PSD3: variants seen among roughly 807,000 people sequenced by gnomAD.
PSD3 encodes the protein pleckstrin and Sec7 domain containing 3, also known as PH and SEC7 domain-containing protein 3.
A neutral mutation model predicts 105.5 loss-of-function variants in PSD3; 49 were observed. That is an observed-to-expected ratio of 0.46 (90% CI 0.37 to 0.59). The LOEUF (loss-of-function observed/expected upper bound fraction) is 0.59, where lower values mean the gene tolerates loss of function less well. PSD3 is among the 20% of genes least tolerant of loss of function. PSD3 has a pLI of 0.00. For missense variants in PSD3, 1,561 were observed against 1,263.8 expected, an observed-to-expected ratio of 1.24 and a Z score of -3.57; for synonymous variants, 557 against 457.8, an observed-to-expected ratio of 1.22 and a Z score of -2.77.
chr8:19,035,673 C>G (rs1827917455), intron 1 of PSD3, among the ~76,000 whole-genome samples: 1 of 150,640 alleles, frequency 6.6e-6, no homozygotes, highest in East Asian at 2.0e-4. Context: ...AAATTTTAAC[C>G]AACATTATAC....
At chr8:18,910,084 A>C (rs1820105747) in intron 2 of PSD3, among the ~76,000 whole-genome samples, 1 of 152,148 alleles carries the variant, frequency 6.6e-6, no homozygotes. Context: ...TTGGCACCCA[A>C]ATGCTCCCAA....
intron 11 of PSD3, among the ~76,000 whole-genome samples, chr8:18,621,815 G>A (rs764941074): frequency 6.6e-6 from 1 of 152,166 alleles, no homozygotes; most frequent in African/African-American, 2.4e-5. Context: ...CTAACAGGAG[G>A]ACACAACTGT....
Position 18,916,608 on chromosome 8 carries a change from C to T in PSD3, c.130+19426G>A, listed in dbSNP as rs549556015. Among the ~76,000 whole-genome samples, 9 of 150,930 alleles carry T rather than the reference C, an allele frequency of 6.0e-5. No individual in the cohort carries two copies. In the South Asian group the frequency reaches 1.7e-3, roughly 29 times the overall value. On this transcript the variant is annotated intron_variant, in intron 2 of 15. Transcript: ENST00000327040. ...GGGAGGAGGATGAGGAGGTGTTGGTCAAATGGAACAAAATTTCAGTTAGAT... is the reference window on the plus strand; with the variant it reads ...GGGAGGAGGATGAGGAGGTGTTGGTTAAATGGAACAAAATTTCAGTTAGAT...
intron 1 of PSD3, among the ~76,000 whole-genome samples, chr8:18,945,427 G>C (rs1822799794): frequency 6.6e-6 from 1 of 152,208 alleles, no homozygotes; most frequent in African/African-American, 2.4e-5. Flanking sequence ...GCCAAGGAAT[G>C]CAAGAAATGT....
rs528414546 is a variant in PSD3, at chr8:19,042,354, A to C, written c.324+41852T>G. 2.0e-5 allele frequency among the ~76,000 whole-genome samples: 3 copies of C among 152,292 alleles called. No homozygotes were observed. In the South Asian group the frequency reaches 6.2e-4, roughly 32 times the overall value. On this transcript the variant is annotated intron_variant, in intron 1 of 1. Transcript: ENST00000521475. ...GGGGTGATGGCTTCCACATGAGGATAAGTCCCCAACATGTTCTCCAAGCAA... is the reference window on the plus strand; with the variant it reads ...GGGGTGATGGCTTCCACATGAGGATCAGTCCCCAACATGTTCTCCAAGCAA...
chr8:19,030,777 C>G (rs540280521), intron 1 of PSD3, among the ~76,000 whole-genome samples: 12 of 152,086 alleles, frequency 7.9e-5, no homozygotes, highest in Admixed American at 7.9e-4. Flanking sequence ...AACCTTCTAC[C>G]ACTCCATTTC....
In PSD3 at chr8:18,679,760, T is replaced by G. The variant is rs79251759; in HGVS notation, c.2173-24075A>C. Among the ~76,000 whole-genome samples the G allele has an allele frequency of 3.2e-4, 48 of 152,316 alleles. No individual in the cohort carries two copies. In the East Asian group the frequency reaches 8.7e-3, roughly 28 times the overall value. The stretch of plus-strand genomic sequence containing the variant: ...ACTGAGAAACCAACAGGCCAATGTT[T>G]CACTATGCACCAACCAAAGTACCAG... On this transcript the variant is annotated intron_variant, in intron 9 of 15. Coordinates refer to ENST00000327040, the MANE Select transcript of PSD3 (RefSeq NM_015310.4).
intron 14 of PSD3, among the ~76,000 whole-genome samples, chr8:18,572,177 A>C (rs1048279714): frequency 6.6e-6 from 1 of 152,240 alleles, no homozygotes; most frequent in African/African-American, 2.4e-5. Context: ...GTAAATGCTC[A>C]ATAAAAATGA....
chr8:18,758,169 G>C (rs1435875679), intron 9 of PSD3, among the ~76,000 whole-genome samples: 2 of 152,112 alleles, frequency 1.3e-5, no homozygotes. Context: ...ATAAAACCTA[G>C]TCTTATTCTG....
At chr8:18,992,705 A>G (rs931021475) in intron 1 of PSD3, among the ~76,000 whole-genome samples, 2 of 152,200 alleles carry the variant, frequency 1.3e-5, no homozygotes, top group East Asian at 3.9e-4. Context: ...TGTACTAGAA[A>G]TGATTCAGTC....
intron 15 of PSD3, among the ~76,000 whole-genome samples, chr8:18,546,653 T>G (rs1460951940): frequency 6.6e-6 from 1 of 152,264 alleles, no homozygotes; most frequent in Non-Finnish European, 1.5e-5. Flanking sequence ...ATTTAAGATC[T>G]ATTATCCTCA....
At chr8:18,573,756 G>A (rs1335782999) in intron 13 of PSD3, among the ~76,000 whole-genome samples, 2 of 152,166 alleles carry the variant, frequency 1.3e-5, no homozygotes, top group African/African-American at 4.8e-5. Context: ...TGCAGAGGCA[G>A]AAAGTAGATC....
At chr8:18,564,734 A>G (rs1230318334) in intron 14 of PSD3, among the ~76,000 whole-genome samples, 1 of 152,042 alleles carries the variant, frequency 6.6e-6, no homozygotes, top group Non-Finnish European at 1.5e-5. Context: ...AACTACAAGA[A>G]TGACCTCCTC....
rs1585873690 is a variant in PSD3 at position 18,761,309 on chromosome 8, A to T, written c.2172+4140T>A. On this transcript the variant is annotated intron_variant, in intron 9 of 15. Coordinates refer to ENST00000327040, the MANE Select transcript of PSD3 (RefSeq NM_015310.4). ...GGGATGGTGGGTAGAGGTTTTGACT[A>T]CTGCCGCTAATCTCACTCGCCTCTA... Among the ~76,000 whole-genome samples the T allele has an allele frequency of 3.9e-5, 6 of 152,222 alleles. No individual in the cohort carries two copies. In the South Asian group the frequency reaches 1.2e-3, roughly 31 times the overall value.
At chr8:18,922,929 C>T (rs911420218) in intron 2 of PSD3, among the ~76,000 whole-genome samples, 4 of 152,144 alleles carry the variant, frequency 2.6e-5, no homozygotes, top group Non-Finnish European at 5.9e-5. Flanking sequence ...TCCATGTGTT[C>T]GTCTTTCAGG....
chr8:18,974,474 A>G (rs924072073), intron 1 of PSD3, among the ~76,000 whole-genome samples: 55 of 152,202 alleles, frequency 3.6e-4, no homozygotes, highest in African/African-American at 1.3e-3. Context: ...AGACGCAAGG[A>G]GAGCAAATTC....
At chr8:19,073,442 T>C (rs563825612) in intron 1 of PSD3, among the ~76,000 whole-genome samples, 8 of 150,400 alleles carry the variant, frequency 5.3e-5, no homozygotes, top group Admixed American at 4.7e-4. Context: ...TCCCAGCTAC[T>C]TGGGAGGCTG....
chr8:18,704,870 T>A (rs200848539), intron 9 of PSD3, among the ~76,000 whole-genome samples: 2 of 151,708 alleles, frequency 1.3e-5, no homozygotes, highest in Admixed American at 1.3e-4. Context: ...TTAAAAAAAA[T>A]AAAAAGGTTT....
At chr8:18,897,602 A>G (rs910418616) in intron 2 of PSD3, among the ~76,000 whole-genome samples, 1 of 152,134 alleles carries the variant, frequency 6.6e-6, no homozygotes, top group Non-Finnish European at 1.5e-5. Flanking sequence ...TAGTATGGCC[A>G]TTTTTACCAT....
Sources: gnomAD v4.1 joint callset for allele counts (sites outside exome capture counted in the v4.1 genomes callset) on GRCh38, gnomAD v4.1.1 for gene constraint, MANE v1.5 for transcripts, NCBI Gene and HGNC (gene_info 2026-07-23, HGNC 2026-07-21) for gene names.